CSNK1G1: variants seen among roughly 807,000 people sequenced by gnomAD.
The protein encoded by CSNK1G1 is casein kinase 1 gamma 1.
CSNK1G1 carries 22 observed loss-of-function variants against 59.6 expected under a neutral mutation model. The ratio of observed to expected loss-of-function variants is 0.37; its 90% confidence interval spans 0.26 to 0.53. CSNK1G1 has a LOEUF of 0.53. Among genes scored for constraint, CSNK1G1 ranks in the 20% least tolerant of loss-of-function variants. The probability of loss-of-function intolerance (pLI) is 0.89; values close to 1 mark genes in which losing one functional copy is unlikely to be tolerated. For missense variants in CSNK1G1, 384 were observed against 519.5 expected, an observed-to-expected ratio of 0.74 and a Z score of 2.54; for synonymous variants, 179 against 177.1, an observed-to-expected ratio of 1.01 and a Z score of -0.08.
intron 1 of CSNK1G1, among the ~76,000 whole-genome samples, chr15:64,303,958 G>T (rs896279808): frequency 1.3e-5 from 2 of 150,330 alleles, no homozygotes; most frequent in South Asian, 4.2e-4. Context: ...TCAGCTGGGG[G>T]AAAATGTTCA....
chr15:64,273,982 T>G (rs920402640), intron 2 of CSNK1G1, among the ~76,000 whole-genome samples: 2 of 152,230 alleles, frequency 1.3e-5, no homozygotes, highest in African/African-American at 4.8e-5. Flanking sequence ...TATAAAATGC[T>G]TCTTAGCTTC....
At chr15:64,276,383 C>T (rs1210179497) in intron 2 of CSNK1G1, among the ~76,000 whole-genome samples, 2 of 152,136 alleles carry the variant, frequency 1.3e-5, no homozygotes, top group African/African-American at 4.8e-5. Context: ...CCCCATGTAA[C>T]CTACCCAATT....
chr15:64,259,368 T>C, intron 2 of CSNK1G1, 127 bp from the exon 3 acceptor site: 1 of 636,812 alleles, frequency 1.6e-6, no homozygotes, highest in Non-Finnish European at 2.6e-6. Flanking sequence ...TGAAACTTGA[T>C]TTATAAGCGA....
rs146387171 is a variant in CSNK1G1 at position 64,337,204 on chromosome 15, G to A, written c.-225+18784C>T. 6.8e-3 allele frequency among the ~76,000 whole-genome samples: 1,027 copies of A among 152,038 alleles called. 16 individuals carry two copies. The highest frequency in any genetic ancestry group is 0.023 in the African/African-American group (946 of 41,472). On this transcript the variant is annotated intron_variant, in intron 1 of 11. Transcript: ENST00000303052. ...GATCTTGCCACTGTATGCCAGCCTG[G>A]GCAACAGAGCGAGACTCCGTCTCAA... is the stretch of plus-strand genomic sequence containing the variant.
chr15:64,198,295 TC>T (rs1453490602), intron 10 of CSNK1G1, among the ~76,000 whole-genome samples: 3 of 142,830 alleles, frequency 2.1e-5, no homozygotes, highest in Non-Finnish European at 4.5e-5. Flanking sequence ...AACCTCCGCC[TC>T]CCAGGTTCAA....
intron 6 of CSNK1G1, among the ~76,000 whole-genome samples, chr15:64,212,248 T>C (rs1325888942): frequency 2.0e-5 from 3 of 152,274 alleles, no homozygotes; most frequent in Non-Finnish European, 4.4e-5. Flanking sequence ...AGGATTTCCA[T>C]GTGGTTACTG....
chr15:64,346,839 G>A (rs140997996), intron 1 of CSNK1G1, among the ~76,000 whole-genome samples: 1 of 152,188 alleles, frequency 6.6e-6, no homozygotes, highest in Non-Finnish European at 1.5e-5. Flanking sequence ...AAAAACTTCT[G>A]CACTATGAAA....
chr15:64,308,271 T>C (rs190872878), intron 1 of CSNK1G1, among the ~76,000 whole-genome samples: 4 of 152,160 alleles, frequency 2.6e-5, no homozygotes, highest in Admixed American at 6.5e-5. Context: ...TTGTTTATTA[T>C]ATTTTTTTGT....
chr15:64,228,239 CT>C (rs2082488032), intron 4 of CSNK1G1, among the ~76,000 whole-genome samples: 1 of 152,102 alleles, frequency 6.6e-6, no homozygotes, highest in Admixed American at 6.5e-5. Flanking sequence ...TGGGGCATTA[CT>C]TTTTTAAATT....
At chr15:64,262,029 T>C (rs1444583694) in intron 2 of CSNK1G1, among the ~76,000 whole-genome samples, 1 of 152,126 alleles carries the variant, frequency 6.6e-6, no homozygotes, top group Non-Finnish European at 1.5e-5. Flanking sequence ...ATCTTAAAGT[T>C]TAAAATGAAA....
chr15:64,347,325 T>G (rs547065533), intron 1 of CSNK1G1, among the ~76,000 whole-genome samples: 3 of 152,186 alleles, frequency 2.0e-5, no homozygotes, highest in Non-Finnish European at 2.9e-5. Flanking sequence ...AAACTTTTAA[T>G]GATAGAAAAA....
intron 3 of CSNK1G1, among the ~76,000 whole-genome samples, chr15:64,256,425 T>C (rs559211893): frequency 1.4e-4 from 22 of 152,322 alleles, no homozygotes; most frequent in Non-Finnish European, 2.5e-4. Flanking sequence ...GGCATACACA[T>C]CACATATATT....
chr15:64,167,238 A>G lies in CSNK1G1; in HGVS notation c.*4693T>C, dbSNP rs2081612599. The G allele has an allele frequency of 6.6e-6, 1 of 152,218 alleles. No homozygotes were observed. Among genetic ancestry groups the G allele is most frequent in the African/African-American group, 2.4e-5 (1 of 41,456 alleles). 9.4% of individuals were successfully genotyped at this position (152,218 alleles called of 1,614,324 possible). A position where few individuals can be genotyped will look rare whatever the true frequency, so the allele number is the denominator to read the frequency against. On this transcript the variant is annotated 3_prime_UTR_variant, in exon 12 of 12. Transcript: ENST00000303052. ...TTACTTGTGGCTAAAACATTGCTCA[A>G]AAAGGATAAACCCACATAAGGGCCA...
At chr15:64,347,823 T>C (rs925736702) in intron 1 of CSNK1G1, among the ~76,000 whole-genome samples, 11 of 151,444 alleles carry the variant, frequency 7.3e-5, no homozygotes, top group Admixed American at 5.3e-4. Context: ...TTGGCCAACA[T>C]GGTGAAACCC....
In CSNK1G1 at chr15:64,254,064, C is replaced by T. The variant is rs147826365; in HGVS notation, c.223-2483G>A. 4.5e-4 allele frequency among the ~76,000 whole-genome samples: 69 copies of T among 152,176 alleles called. No homozygotes were observed. The East Asian group carries it at 9.8e-3, about 22-fold the overall frequency. On this transcript the variant is annotated intron_variant, in intron 3 of 11. Coordinates refer to ENST00000303052, the MANE Select transcript of CSNK1G1 (RefSeq NM_022048.5). ...CTGAGGCAGGAGAATTGCTTGAACC[C>T]GGCAGGTGGATACTGCAGCAAGCCT...
chr15:64,179,824 T>C (rs933549924), intron 11 of CSNK1G1, among the ~76,000 whole-genome samples: 3 of 152,236 alleles, frequency 2.0e-5, no homozygotes, highest in African/African-American at 4.8e-5. Context: ...ATGACTTCCA[T>C]TCTTTTCCCA....
At chr15:64,265,862 T>C (rs72756968) in intron 2 of CSNK1G1, 25,130 of 455,728 alleles carry the variant, frequency 0.055, 888 homozygotes, top group South Asian at 0.087. Flanking sequence ...GGCAGGAGGA[T>C]CATTTCAGGC....
chr15:64,232,177 A>G (rs996128130), intron 4 of CSNK1G1, among the ~76,000 whole-genome samples: 2 of 152,258 alleles, frequency 1.3e-5, no homozygotes, highest in African/African-American at 4.8e-5. Context: ...AGAATCGTGC[A>G]GATCTGACAA....
intron 4 of CSNK1G1, among the ~76,000 whole-genome samples, chr15:64,238,518 A>AAAAAAATATATAT (rs1555396879): frequency 6.1e-5 from 3 of 49,246 alleles, no homozygotes; most frequent in South Asian, 1.6e-3. Context: ...AAAAAAAAAA[A>AAAAAAATATATAT]ATATATATAT....
Sources: allele counts gnomAD v4.1 joint callset (sites outside exome capture counted in the v4.1 genomes callset), GRCh38; gene constraint gnomAD v4.1.1; transcripts MANE v1.5; gene names NCBI Gene and HGNC (gene_info 2026-07-23, HGNC 2026-07-21).